PTPRD: variants seen among roughly 807,000 people sequenced by gnomAD.
The protein encoded by PTPRD is receptor-type tyrosine-protein phosphatase delta.
Under a neutral mutation model 214.5 loss-of-function variants are expected in PTPRD, and 34 were observed. The observed-to-expected ratio is 0.16, with a 90% CI of 0.12 to 0.21. The LOEUF (loss-of-function observed/expected upper bound fraction) is 0.21. Among genes scored for constraint, PTPRD ranks in the 10% least tolerant of loss-of-function variants. PTPRD has a pLI of 1.00. For synonymous variants in PTPRD, 1,128 were observed against 845.7 expected (o/e 1.33, Z -5.79); for missense variants, 2,545 against 2,398.7 (o/e 1.06, Z -1.27).
In PTPRD at chr9:9,328,618, C is replaced by CTTTTTTTTTTTTTTTTTTTTTTTTTTT. The variant is rs869076374; in HGVS notation, c.-203+68804_-203+68830dup. On this transcript the variant is annotated intron_variant, in intron 9 of 45. Transcript: ENST00000381196. ...ACATTTTCTTTTGTTGTTGTTCTTG[C>CTTTTTTTTTTTTTTTTTTTTTTTTTTT]TTTTTTTTTTTTTTTTTTTTTTTTT... Among the ~76,000 whole-genome samples the CTTTTTTTTTTTTTTTTTTTTTTTTTTT allele has an allele frequency of 9.2e-4, 26 of 28,230 alleles. 10 individuals are homozygous for CTTTTTTTTTTTTTTTTTTTTTTTTTTT. Among genetic ancestry groups the CTTTTTTTTTTTTTTTTTTTTTTTTTTT allele is most frequent in the South Asian group, 2.2e-3 (1 of 464 alleles). The allele number at this position is 28,230 out of a possible 152,430, so 18.5% of individuals were successfully genotyped here. A position where few individuals can be genotyped will look rare whatever the true frequency, so the allele number is the denominator to read the frequency against.
chr9:9,850,617 C>G (rs1328279141), intron 5 of PTPRD, among the ~76,000 whole-genome samples: 1 of 151,864 alleles, frequency 6.6e-6, no homozygotes, highest in Non-Finnish European at 1.5e-5. Context: ...ATATAGAATA[C>G]TATGGAATGA....
At chr9:8,871,747 T>C (rs781751510) in intron 11 of PTPRD, among the ~76,000 whole-genome samples, 1 of 151,608 alleles carries the variant, frequency 6.6e-6, no homozygotes, top group Non-Finnish European at 1.5e-5. Flanking sequence ...AGACAAAATT[T>C]ATGACAAATT....
intron 9 of PTPRD, among the ~76,000 whole-genome samples, chr9:9,349,262 T>C (rs935324517): frequency 1.3e-5 from 2 of 152,148 alleles, no homozygotes; most frequent in African/African-American, 2.4e-5. Context: ...CTTTTTAGCA[T>C]AGAACACTAA....
At chr9:9,932,799 A>C (rs1334029872) in intron 5 of PTPRD, among the ~76,000 whole-genome samples, 2 of 122,750 alleles carry the variant, frequency 1.6e-5, no homozygotes, top group African/African-American at 6.2e-5. Flanking sequence ...GTTGAAATGA[A>C]GGAAAAAATG....
intron 9 of PTPRD, among the ~76,000 whole-genome samples, chr9:9,254,062 G>A (rs2099976642): frequency 6.6e-6 from 1 of 151,914 alleles, no homozygotes; most frequent in Non-Finnish European, 1.5e-5. Flanking sequence ...ATTGGATTTA[G>A]GCCCCACCTG....
At chr9:9,613,221 C>T (rs528727656) in intron 7 of PTPRD, among the ~76,000 whole-genome samples, 2 of 112,566 alleles carry the variant, frequency 1.8e-5, no homozygotes, top group South Asian at 5.2e-4. Context: ...ACTGTGAAAT[C>T]ATTTAACAAA....
chr9:10,144,040 C>A (rs1253086475), intron 3 of PTPRD, among the ~76,000 whole-genome samples: 2 of 151,964 alleles, frequency 1.3e-5, no homozygotes, highest in East Asian at 3.9e-4. Context: ...TGATTGTACA[C>A]TCTGATTCTA....
intron 3 of PTPRD, among the ~76,000 whole-genome samples, chr9:10,094,958 T>C (rs866030623): frequency 2.6e-5 from 4 of 151,490 alleles, no homozygotes; most frequent in Non-Finnish European, 5.9e-5. Context: ...TCTCACACTT[T>C]AAAATGTCCT....
intron 5 of PTPRD, among the ~76,000 whole-genome samples, chr9:9,814,271 T>C (rs918432797): frequency 4.0e-5 from 6 of 149,884 alleles, no homozygotes; most frequent in African/African-American, 1.5e-4. Flanking sequence ...TTCTATTCGA[T>C]GTAATAACGT....
chr9:9,907,138 C>G (rs2077795798), intron 5 of PTPRD, among the ~76,000 whole-genome samples: 1 of 144,826 alleles, frequency 6.9e-6, no homozygotes, highest in Non-Finnish European at 1.5e-5. Flanking sequence ...GTTCTGTGTC[C>G]TTTTTTGCCT....
rs558633570 is a variant in PTPRD, at chr9:9,768,944, C to A, written c.-367-2093G>T. 1.1e-4 allele frequency among the ~76,000 whole-genome samples: 17 copies of A among 152,186 alleles called. No homozygotes were observed. In the South Asian group the frequency reaches 2.5e-3, roughly 22 times the overall value. On this transcript the variant is annotated intron_variant, in intron 5 of 45. Coordinates refer to ENST00000381196, the MANE Select transcript of PTPRD (RefSeq NM_002839.4). ...TTAGGAATAGCTTCGGCATTATAATCGGATTAAGGTTACTTGTTCTGATTT... is the reference window on the plus strand; with the variant it reads ...TTAGGAATAGCTTCGGCATTATAATAGGATTAAGGTTACTTGTTCTGATTT...
chr9:9,376,036 T>C (rs2060691580), intron 9 of PTPRD, among the ~76,000 whole-genome samples: 1 of 152,106 alleles, frequency 6.6e-6, no homozygotes. Flanking sequence ...TTAAGACATT[T>C]TCATAATATA....
chr9:9,302,601 C>CTTTTTTTTTTTTTT (rs3047853), intron 9 of PTPRD, among the ~76,000 whole-genome samples: 43 of 111,880 alleles, frequency 3.8e-4, no homozygotes, highest in East Asian at 5.5e-4. Context: ...TTTTTTTTTT[C>CTTTTTTTTTTTTTT]TTTTTTTTTT....
intron 10 of PTPRD, among the ~76,000 whole-genome samples, chr9:9,023,109 G>C (rs2099575311): frequency 6.6e-6 from 1 of 152,070 alleles, no homozygotes; most frequent in Non-Finnish European, 1.5e-5. Context: ...TGGGGTTTTG[G>C]TAGGAATAAG....
chr9:10,114,582 G>A (rs967375652), intron 3 of PTPRD, among the ~76,000 whole-genome samples: 4 of 151,446 alleles, frequency 2.6e-5, no homozygotes, highest in Non-Finnish European at 5.9e-5. Flanking sequence ...TTATATAGGT[G>A]TATATATATA....
At chr9:9,908,527 G>A (rs192240876) in intron 5 of PTPRD, among the ~76,000 whole-genome samples, 1 of 152,144 alleles carries the variant, frequency 6.6e-6, no homozygotes, top group East Asian at 1.9e-4. Flanking sequence ...CATCCACAGG[G>A]TTGTTAATGT....
At chr9:8,932,465 G>A (rs770814848) in intron 11 of PTPRD, among the ~76,000 whole-genome samples, 10 of 152,034 alleles carry the variant, frequency 6.6e-5, no homozygotes, top group Non-Finnish European at 7.3e-5. Context: ...GTAGTTGTGC[G>A]CCCACAGCTA....
At chr9:8,674,393 G>C (rs1433435768) in intron 12 of PTPRD, among the ~76,000 whole-genome samples, 1 of 150,360 alleles carries the variant, frequency 6.7e-6, no homozygotes, top group Non-Finnish European at 1.5e-5. Flanking sequence ...AGGAGGCGGA[G>C]GTTGCAGTGA....
chr9:10,563,985 T>G (rs1485786652), intron 2 of PTPRD, among the ~76,000 whole-genome samples: 2 of 151,522 alleles, frequency 1.3e-5, no homozygotes, highest in East Asian at 3.9e-4. Flanking sequence ...TGCCAGTTGT[T>G]TCCCCTACCT....
Sources: allele counts gnomAD v4.1 joint callset (sites outside exome capture counted in the v4.1 genomes callset), GRCh38; gene constraint gnomAD v4.1.1; transcripts MANE v1.5; gene names NCBI Gene and HGNC (gene_info 2026-07-23, HGNC 2026-07-21).